Variants in ACAA2 observed in about 807,000 individuals in gnomAD.
ACAA2 encodes the protein 3-ketoacyl-CoA thiolase, mitochondrial.
A neutral mutation model predicts 44.8 loss-of-function variants in ACAA2; 35 were observed. That is an observed-to-expected ratio of 0.78 (90% confidence interval 0.60 to 1.04). The LOEUF is 1.04. ACAA2 is among the 50% of genes least tolerant of loss of function. The pLI is 0.00. For synonymous variants in ACAA2, 142 were observed against 166.5 expected (o/e 0.85, Z 1.13); for missense variants, 468 against 482.6 (o/e 0.97, Z 0.28).
chr18:49,783,605 TAGTTG>T lies in ACAA2; in HGVS notation c.*237_*241del, dbSNP rs1328294362. 6 of 421,672 alleles carry T rather than the reference TAGTTG, an allele frequency of 1.4e-5. No homozygotes were observed. Among genetic ancestry groups the T allele is most frequent in the Non-Finnish European group, 2.2e-5 (5 of 227,990 alleles). The allele number at this position is 421,672 out of a possible 1,614,324, so 26.1% of individuals were successfully genotyped here. Reference sequence around the variant, plus strand: ...ATACGATTTCTTTTAATGTCTTCTATAGTTGAGTTTTAGCTCAGAAATACATCATA... The same window carrying T: ...ATACGATTTCTTTTAATGTCTTCTATAGTTTTAGCTCAGAAATACATCATA... On this transcript the variant is annotated 3_prime_UTR_variant, in exon 10 of 10. Transcript: ENST00000285093.
At chr18:49,797,443 A>G (rs2023477864) in intron 3 of ACAA2, 23 bp downstream of exon 3, 1 of 1,589,930 alleles carries the variant, frequency 6.3e-7, no homozygotes, top group Non-Finnish European at 8.5e-7. Context: ...TTTTCAGAGA[A>G]TTTAAAAAAA....
At chr18:49,787,579 C>T (rs1429848418) in intron 7 of ACAA2, among the ~76,000 whole-genome samples, 1 of 151,928 alleles carries the variant, frequency 6.6e-6, no homozygotes, top group Non-Finnish European at 1.5e-5. Context: ...AATCTCAGTA[C>T]TTTGGGAGGC....
chr18:49,792,138 G>A lies in ACAA2; in HGVS notation c.753+14C>T. On this transcript the variant is annotated intron_variant, in intron 6 of 9. Transcript: ENST00000285093. ...CCAGGAAGAATTCAAGCTAATCTGT[G>A]TGGTGATACCAACCGATGCATTCCC... The A allele has an allele frequency of 6.2e-7, 1 of 1,606,954 alleles. No homozygotes were observed. The highest frequency in any genetic ancestry group is 8.5e-7 in the Non-Finnish European group (1 of 1,174,546).
intron 2 of ACAA2, 81 bp from the exon 3 acceptor site, chr18:49,797,675 T>C: frequency 2.5e-6 from 3 of 1,209,230 alleles, no homozygotes; most frequent in Non-Finnish European, 2.3e-6. Flanking sequence ...ATGGAAATGT[T>C]GGCAATCTAT....
intron 1 of ACAA2, among the ~76,000 whole-genome samples, chr18:49,809,339 G>C (rs372647127): frequency 6.6e-6 from 1 of 152,168 alleles, no homozygotes; most frequent in African/African-American, 2.4e-5. Context: ...CGAAGATAAC[G>C]GGATTAAGAG....
intron 7 of ACAA2, among the ~76,000 whole-genome samples, chr18:49,789,133 C>T (rs141800918): frequency 5.9e-4 from 90 of 152,316 alleles, no homozygotes; most frequent in African/African-American, 2.0e-3. Flanking sequence ...CTTTCTATAG[C>T]TGTGTATTTC....
intron 1 of ACAA2, 103 bp from the exon 2 acceptor site, chr18:49,802,956 T>C (rs780311884): frequency 1.7e-5 from 23 of 1,364,304 alleles, no homozygotes; most frequent in Non-Finnish European, 2.4e-5. Context: ...TAAAATTAGA[T>C]AATGGAAATT....
Position 49,783,011 on chromosome 18 carries a change from G to A in ACAA2, c.*836C>T, listed in dbSNP as rs1484827094. 1 of 152,178 alleles carries A rather than the reference G, an allele frequency of 6.6e-6. No individual in the cohort carries two copies. Among genetic ancestry groups the A allele is most frequent in the Non-Finnish European group, 1.5e-5 (1 of 68,048 alleles). The allele number at this position is 152,178 out of a possible 1,614,324, so 9.4% of individuals were successfully genotyped here. ...AGACAAATAAAGCAATGGAAGTGTT[G>A]TGGGGGCATTTTAAAGGGAGAAAAT... On this transcript the variant is annotated 3_prime_UTR_variant, in exon 10 of 10. Coordinates refer to ENST00000285093, the MANE Select transcript of ACAA2 (RefSeq NM_006111.3).
chr18:49,783,051 G>A lies in ACAA2; in HGVS notation c.*796C>T, dbSNP rs2023284923. 1 of 152,092 alleles carries A rather than the reference G, an allele frequency of 6.6e-6. No homozygotes were observed. The highest frequency in any genetic ancestry group is 2.4e-5 in the African/African-American group (1 of 41,378). The allele number at this position is 152,092 out of a possible 1,614,324, so 9.4% of individuals were successfully genotyped here. A position where few individuals can be genotyped will look rare whatever the true frequency, so the allele number is the denominator to read the frequency against. On this transcript the variant is annotated 3_prime_UTR_variant, in exon 10 of 10. Transcript: ENST00000285093. Reference sequence around the variant, plus strand: ...AGGGAGAAAATAAAGGATGAAAGATGGCCTTTAAGCTGGGAAGAAGGAAGT... The same window carrying A: ...AGGGAGAAAATAAAGGATGAAAGATAGCCTTTAAGCTGGGAAGAAGGAAGT...
intron 9 of ACAA2, among the ~76,000 whole-genome samples, chr18:49,784,303 G>C (rs1300050108): frequency 6.6e-6 from 1 of 152,152 alleles, no homozygotes; most frequent in Admixed American, 6.5e-5. Flanking sequence ...TGGGGAAGGG[G>C]ATGAACATTA....
chr18:49,789,528 AGAAG>A lies in ACAA2; in HGVS notation c.883+1938_883+1941del, dbSNP rs544723593. On this transcript the variant is annotated intron_variant, in intron 7 of 9. Coordinates refer to ENST00000285093, the MANE Select transcript of ACAA2 (RefSeq NM_006111.3). Reference sequence around the variant, plus strand: ...AGGGCAAATATTCAGGCCCAGGAACAGAAGGAAGGAAAACAACGCTTTCTTGGTT... The same window carrying A: ...AGGGCAAATATTCAGGCCCAGGAACAGAAGGAAAACAACGCTTTCTTGGTT... Among the ~76,000 whole-genome samples the A allele has an allele frequency of 9.2e-5, 14 of 152,350 alleles. No homozygotes were observed. In the South Asian group the frequency reaches 2.7e-3, roughly 29 times the overall value.
intron 5 of ACAA2, among the ~76,000 whole-genome samples, chr18:49,793,075 C>T (rs1206884538): frequency 6.6e-6 from 1 of 152,080 alleles, no homozygotes; most frequent in South Asian, 2.1e-4. Flanking sequence ...CCCTTTTAAA[C>T]TTCTTTTGGT....
intron 7 of ACAA2, among the ~76,000 whole-genome samples, chr18:49,790,573 T>C (rs2023386613): frequency 6.6e-6 from 1 of 152,224 alleles, no homozygotes; most frequent in South Asian, 2.1e-4. Flanking sequence ...AGGTTATATG[T>C]AGGTGGGATA....
In ACAA2 at chr18:49,788,253, C is replaced by G. The variant is rs567202838; in HGVS notation, c.884-892G>C. 3.3e-5 allele frequency among the ~76,000 whole-genome samples: 5 copies of G among 152,160 alleles called. No homozygotes were observed. The East Asian group carries it at 9.6e-4, about 29-fold the overall frequency. ...GACTTGTTCTTAAAGAATGAAACTG[C>G]CAAAAATGTCTACAAAGAAAAATAT... is the stretch of plus-strand genomic sequence containing the variant. On this transcript the variant is annotated intron_variant, in intron 7 of 9. Coordinates refer to ENST00000285093, the MANE Select transcript of ACAA2 (RefSeq NM_006111.3).
At chr18:49,793,997 A>G (rs760443351) in intron 5 of ACAA2, among the ~76,000 whole-genome samples, 3 of 152,216 alleles carry the variant, frequency 2.0e-5, no homozygotes, top group Non-Finnish European at 4.4e-5. Context: ...ATCATGTTCT[A>G]CTGACAACAG....
chr18:49,792,113 C>CCAGGAAGAATT (rs1333670501), intron 6 of ACAA2, 39 bp downstream of exon 6: 1 of 1,561,974 alleles, frequency 6.4e-7, no homozygotes, highest in East Asian at 2.3e-5. Flanking sequence ...GTTGAACACA[C>CCAGGAAGAATT]CAGGAAGAAT....
intron 5 of ACAA2, among the ~76,000 whole-genome samples, chr18:49,793,817 A>G (rs567119644): frequency 6.6e-6 from 1 of 152,322 alleles, no homozygotes; most frequent in African/African-American, 2.4e-5. Context: ...AGTTAGGTAC[A>G]ATGATTCTTA....
rs1019018463 is a variant in ACAA2 at position 49,783,278 on chromosome 18, G to T, written c.*569C>A. ...ATTTATAGAAACAAAATACACTGGT[G>T]GTTGTCAGGGGATGGGGGATGGGAG... On this transcript the variant is annotated 3_prime_UTR_variant, in exon 10 of 10. Transcript: ENST00000285093. 6.6e-6 allele frequency: 1 copy of T among 152,290 alleles called. No homozygotes were observed. Among genetic ancestry groups the T allele is most frequent in the Non-Finnish European group, 1.5e-5 (1 of 68,120 alleles). 9.4% of individuals were successfully genotyped at this position (152,290 alleles called of 1,614,324 possible). A position where few individuals can be genotyped will look rare whatever the true frequency, so the allele number is the denominator to read the frequency against.
intron 4 of ACAA2, 118 bp downstream of exon 4, chr18:49,795,646 AT>A (rs2023456326): frequency 1.2e-5 from 7 of 573,078 alleles, no homozygotes; most frequent in Non-Finnish European, 2.2e-5. Context: ...TATCTTGCCA[AT>A]CCTCATCAAC....
Sources: gnomAD v4.1 joint callset for allele counts (sites outside exome capture counted in the v4.1 genomes callset) on GRCh38, gnomAD v4.1.1 for gene constraint, MANE v1.5 for transcripts, NCBI Gene and HGNC (gene_info 2026-07-23, HGNC 2026-07-21) for gene names.